Variants in NEB observed in about 807,000 individuals in gnomAD.
The protein encoded by NEB is nemaline myopathy type 2.
NEB carries 512 observed loss-of-function variants against 952.2 expected under a neutral mutation model. That is an observed-to-expected ratio of 0.54 (90% CI 0.50 to 0.58). The LOEUF is 0.58. Ranked by LOEUF, NEB falls within the 20% of genes least tolerant of loss-of-function variation. NEB has a pLI of 0.00. For missense variants in NEB, 8,428 were observed against 9,231.1 expected, an observed-to-expected ratio of 0.91 and a Z score of 3.56; for synonymous variants, 2,900 against 3,149.8, an observed-to-expected ratio of 0.92 and a Z score of 2.66.
At position 151,659,135 on chromosome 2, in the gene NEB, G is replaced by T. The variant is rs753828954; in HGVS notation, c.6005C>A (p.Thr2002Asn). The T allele has an allele frequency of 6.2e-7, 1 of 1,612,910 alleles. No individual in the cohort carries two copies. The highest frequency in any genetic ancestry group is 8.5e-7 in the Non-Finnish European group (1 of 1,179,126). The change falls in exon 47 of 182, where the codon ACC becomes AAC. Residue 2002 changes from threonine to asparagine, a missense_variant. Physicochemically the swap from Thr to Asn is moderately conservative, Grantham distance 65. This residue lies in a region of NEB where 2,851 missense variants were observed against 2,791.5 expected (regional missense o/e 1.02). Coordinates refer to ENST00000397345, the MANE Select transcript of NEB (RefSeq NM_001164508.2). ...GATATCAGGCATGATGTGGACTTTG[G>T]TTTTGTCAGCCTCCCATGCTTGTTT... ...LYKQAWEADK[T>N]KVHIMPDIPQ...
rs758528247 is a variant in NEB, at chr2:151,610,119, T to C, written c.12020A>G (p.Tyr4007Cys). ...AKASRDIASD[Y>C]KYKEAYEKQK... ...TTTCTCATAGGCTTCCTTGTATTTG[T>C]ACTAAAATGCCAGAAATACAGGTGG... The change falls in exon 81 of 182, where the codon TAC becomes TGC. Residue 4007 changes from tyrosine to cysteine, a missense_variant and splice_region_variant. Coordinates refer to ENST00000397345, the MANE Select transcript of NEB (RefSeq NM_001164508.2). The C allele has an allele frequency of 6.2e-7, 1 of 1,603,068 alleles. No individual in the cohort carries two copies. The highest frequency in any genetic ancestry group is 8.5e-7 in the Non-Finnish European group (1 of 1,174,262).
rs1057518200 is a variant in NEB, at chr2:151,570,249, C to T, written c.17262G>A (p.Trp5754Ter). 2 of 1,613,786 alleles carry T rather than the reference C, an allele frequency of 1.2e-6. No individual in the cohort carries two copies. Among genetic ancestry groups the T allele is most frequent in the Admixed American group, 3.3e-5 (2 of 60,002 alleles). The change falls in exon 109 of 182, where the codon TGG becomes TGA. Residue 5754 changes from tryptophan (W) to a stop codon, truncating the protein, a stop_gained. Coordinates refer to ENST00000397345, the MANE Select transcript of NEB (RefSeq NM_001164508.2). LOFTEE classifies it high-confidence loss of function. ...EREYRLDWAK[W>*]KAKIQSPVDM... ...CCACAGGGCTCTGGATCTTGGCCTT[C>T]CATTTGGCCCAGTCCAGCCGGTACT...
chr2:151,723,584 G>A, intron 8 of NEB, 98 bp from the exon 9 acceptor site: 1 of 828,526 alleles, frequency 1.2e-6, no homozygotes. Flanking sequence ...AAAGAACCAA[G>A]GGCCAGGTGA....
intron 169 of NEB, among the ~76,000 whole-genome samples, chr2:151,498,932 G>GAGAT (rs1553559674): frequency 6.6e-6 from 1 of 151,742 alleles, no homozygotes; most frequent in African/African-American, 2.4e-5. Flanking sequence ...AATAACAGTA[G>GAGAT]AGATAGAAAA....
At position 151,492,432 on chromosome 2, in the gene NEB, G is replaced by T. The variant is rs1231234319; in HGVS notation, c.24828C>A (p.Thr8276=). 6.2e-7 allele frequency: 1 copy of T among 1,612,380 alleles called. No individual in the cohort carries two copies. Among genetic ancestry groups the T allele is most frequent in the East Asian group, 2.2e-5 (1 of 44,850 alleles). ...TCTCCCTCACCCGTCTCATCTCGGGGGTATCCAATACATAGGCAGCTTTGC... is the reference window on the plus strand; with the variant it reads ...TCTCCCTCACCCGTCTCATCTCGGGTGTATCCAATACATAGGCAGCTTTGC... The part of the protein sequence containing the change: ...IQGKAAYVLD[T]PEMRRVRETQ... The change falls in exon 177 of 182, where the codon ACC becomes ACA. Residue 8276 remains threonine, a synonymous_variant. Coordinates refer to ENST00000397345, the MANE Select transcript of NEB (RefSeq NM_001164508.2).
intron 3 of NEB, among the ~76,000 whole-genome samples, chr2:151,731,835 G>A (rs1166818481): frequency 6.6e-6 from 1 of 152,116 alleles, no homozygotes; most frequent in Non-Finnish European, 1.5e-5. Context: ...TTGTATTAGT[G>A]TTTGACAGTG....
At chr2:151,569,958 C>A in intron 109 of NEB, 123 bp downstream of exon 109, 2 of 994,438 alleles carry the variant, frequency 2.0e-6, no homozygotes, top group South Asian at 3.4e-5. Context: ...TAAGGTCTCA[C>A]TAATATTAAA....
intron 46 of NEB, 82 bp from the exon 47 acceptor site, chr2:151,659,251 T>A: frequency 8.3e-6 from 6 of 718,610 alleles, no homozygotes; most frequent in South Asian, 2.2e-5. Flanking sequence ...TACATATATA[T>A]CAATATTTCA....
At chr2:151,576,050 TATTA>T in intron 106 of NEB, 97 bp downstream of exon 106, 1 of 981,880 alleles carries the variant, frequency 1.0e-6, no homozygotes, top group Non-Finnish European at 1.4e-6. Context: ...AAATTTTTGT[TATTA>T]ATAAAGTTTT....
Position 151,697,567 on chromosome 2 carries a change from C to G in NEB, c.1234G>C (p.Val412Leu). 4.3e-6 allele frequency: 7 copies of G among 1,613,022 alleles called. No individual in the cohort carries two copies. The highest frequency in any genetic ancestry group is 5.9e-6 in the Non-Finnish European group (7 of 1,179,670). Residue 412 changes from valine (V) to leucine (L), a missense_variant, in exon 14 of 182, where the codon GTT (valine) becomes CTT (leucine). This residue lies in a region of NEB where 2,851 missense variants were observed against 2,791.5 expected (regional missense o/e 1.02). Coordinates refer to ENST00000397345, the MANE Select transcript of NEB (RefSeq NM_001164508.2). ...ACATCACTACTGAAGTTCTGCAGAA[C>G]AGTATCGAGCTTGAATTTGGGGGTC... Reference protein sequence around the residue: ...CETPKFKLDTVLQNFSSDKKY... With the variant: ...CETPKFKLDTLLQNFSSDKKY...
chr2:151,663,831 G>A lies in NEB; in HGVS notation c.5480C>T (p.Ala1827Val). ...CCGGAAGCCAATGTGTTTCCCTTTG[G>A]CTTGTTCATAGGCTTTCTTGTATTT... is the stretch of plus-strand genomic sequence containing the variant. ...DYKYKKAYEQ[A>V]KGKHIGFRSL... The change falls in exon 45 of 182, where the codon GCC (alanine) becomes GTC (valine). Residue 1827 changes from alanine to valine, a missense_variant. Around this residue, in one of 11 missense-constraint regions of NEB, gnomAD observed 2,851 missense variants for 2,791.5 expected, o/e 1.02. Coordinates refer to ENST00000397345, the MANE Select transcript of NEB (RefSeq NM_001164508.2). The A allele has an allele frequency of 1.2e-6, 2 of 1,613,762 alleles. No homozygotes were observed. The highest frequency in any genetic ancestry group is 1.7e-6 in the Non-Finnish European group (2 of 1,179,714).
rs768041857 is a variant in NEB at position 151,541,459 on chromosome 2, C to T, written c.20670G>A (p.Lys6890=). The T allele has an allele frequency of 5.6e-6, 9 of 1,612,046 alleles. 1 individual carries two copies. The African/African-American group carries it at 1.1e-4, about 19-fold the overall frequency. Residue 6890 remains lysine, a synonymous_variant, in exon 136 of 182, where the codon AAG becomes AAA. Coordinates refer to ENST00000397345, the MANE Select transcript of NEB (RefSeq NM_001164508.2). The part of the protein sequence containing the change: ...PDLLRAKRGQ[K]LQSQYLYVEL... ...CCTCTGAGCTTACCTGACTCTGAAG[C>T]TTCTGCCCTCGCTTGGCTCTTAAAA... is the stretch of plus-strand genomic sequence containing the variant.
rs1574651626 is a variant in NEB, at chr2:151,492,148, A to G, written c.25007T>C (p.Val8336Ala). The change falls in exon 178 of 182, where the codon GTG becomes GCG. Residue 8336 changes from valine to alanine, a missense_variant. Physicochemically the swap from Val to Ala is moderately conservative, Grantham distance 64 (BLOSUM62 0). Transcript: ENST00000397345. ...DINYRGIQRKVVEMEQKRNDQ... is the reference protein window; with the variant it reads ...DINYRGIQRKAVEMEQKRNDQ... The stretch of plus-strand genomic sequence containing the variant: ...ATTCCGTTTTTGTTCCATTTCTACC[A>G]CTTTCCTCTGAATACCTCGGTAGTT... 6.2e-7 allele frequency: 1 copy of G among 1,613,684 alleles called. No homozygotes were observed. The highest frequency in any genetic ancestry group is 8.5e-7 in the Non-Finnish European group (1 of 1,179,816).
In NEB at chr2:151,551,823, A is replaced by G; in HGVS notation, c.19859T>C (p.Val6620Ala). 1.9e-6 allele frequency: 3 copies of G among 1,612,996 alleles called. No individual in the cohort carries two copies. The highest frequency in any genetic ancestry group is 2.5e-6 in the Non-Finnish European group (3 of 1,179,234). The change falls in exon 129 of 182, where the codon GTG becomes GCG. Residue 6620 changes from valine to alanine, a missense_variant. Coordinates refer to ENST00000397345, the MANE Select transcript of NEB (RefSeq NM_001164508.2). ...LSDAVYHYDYVHSVRGKVAPT... is the reference protein window; with the variant it reads ...LSDAVYHYDYAHSVRGKVAPT... ...AGCCACTTTGCCTCTGACACTGTGC[A>G]CATAGTCATAGTGGTAGACAGCCTG...
Position 151,639,374 on chromosome 2 carries a change from G to C in NEB, c.8900C>G (p.Thr2967Arg). ...NAITMNKRLY[T>R]EAWDKDKTQI... The stretch of plus-strand genomic sequence containing the variant: ...AGTCTTGTCTTTGTCCCAGGCTTCT[G>C]TGTATAAACGCTATCAAAAAAAATA... Residue 2967 changes from threonine (T) to arginine (R), a missense_variant, in exon 63 of 182, where the codon ACA becomes AGA. Transcript: ENST00000397345. 1 of 1,538,864 alleles carries C rather than the reference G, an allele frequency of 6.5e-7. No individual in the cohort carries two copies. The highest frequency in any genetic ancestry group is 1.4e-5 in the African/African-American group (1 of 73,090).
At position 151,639,870 on chromosome 2, in the gene NEB, A is replaced by T. The variant is rs1228319024; in HGVS notation, c.8876T>A (p.Ile2959Asn). Residue 2959 changes from isoleucine to asparagine, a missense_variant, in exon 62 of 182, where the codon ATC (isoleucine) becomes AAC (asparagine). This residue lies in a region of NEB where 1,772 missense variants were observed against 1,960.3 expected (regional missense o/e 0.90). Coordinates refer to ENST00000397345, the MANE Select transcript of NEB (RefSeq NM_001164508.2). Reference protein sequence around the residue: ...LEQVLAKNNAITMNKRLYTEA... With the variant: ...LEQVLAKNNANTMNKRLYTEA... ...TTGAAGTCTCACCTTGTTCATAGTG[A>T]TGGCATTATTTTTGGCCAACACTTG... is the stretch of plus-strand genomic sequence containing the variant. 6.2e-7 allele frequency: 1 copy of T among 1,613,290 alleles called. No individual in the cohort carries two copies. Among genetic ancestry groups the T allele is most frequent in the Admixed American group, 1.7e-5 (1 of 59,954 alleles).
Position 151,570,365 on chromosome 2 carries a change from G to A in NEB, c.17146C>T (p.Gln5716Ter). The A allele has an allele frequency of 6.3e-7, 1 of 1,585,490 alleles. No homozygotes were observed. Among genetic ancestry groups the A allele is most frequent in the South Asian group, 1.2e-5 (1 of 86,564 alleles). Residue 5716 changes from glutamine (Q) to a stop codon, truncating the protein, a stop_gained, in exon 109 of 182, where the codon CAG becomes TAG. Transcript: ENST00000397345. LOFTEE classifies it high-confidence loss of function. ...DYKYKLDHEK[Q>*]KGHYVGTLTA... ...AGGGTGCCCACGTAGTGTCCCTTCT[G>A]CTTCTCATGGTCAAGCTTATATTTA...
chr2:151,658,031 A>C lies in NEB; in HGVS notation c.6135T>G (p.Asp2045Glu). 3 of 1,611,574 alleles carry C rather than the reference A, an allele frequency of 1.9e-6. No homozygotes were observed. The highest frequency in any genetic ancestry group is 2.5e-6 in the Non-Finnish European group (3 of 1,178,600). ...CCTTGGCAGCTTTGATAGGAATTGC[A>C]TCAGGTCTGAGATCATAGCCTTTCT... is the stretch of plus-strand genomic sequence containing the variant. ...SKKKGYDLRP[D>E]AIPIKAAKAS... The change falls in exon 48 of 182, where the codon GAT becomes GAG. Residue 2045 changes from aspartate (D) to glutamate (E), a missense_variant. By Grantham distance (45) the Asp-to-Glu change is conservative (BLOSUM62 2). Coordinates refer to ENST00000397345, the MANE Select transcript of NEB (RefSeq NM_001164508.2).
intron 130 of NEB, among the ~76,000 whole-genome samples, chr2:151,549,209 G>A (rs1204073189): frequency 1.3e-5 from 2 of 152,206 alleles, no homozygotes; most frequent in African/African-American, 4.8e-5. Context: ...TATTTTCAAA[G>A]GAACACATGG....
Sources: allele counts gnomAD v4.1 joint callset (sites outside exome capture counted in the v4.1 genomes callset), GRCh38; gene constraint gnomAD v4.1.1; regional missense constraint gnomAD v4.1.1; transcripts MANE v1.5; gene names NCBI Gene and HGNC (gene_info 2026-07-23, HGNC 2026-07-21).